Variants in PPARG observed in about 807,000 individuals in gnomAD.
The protein encoded by PPARG is peroxisome proliferator activated receptor gamma.
In PPARG, 17 loss-of-function variants were observed where a neutral mutation model predicts 39.2. That is an observed-to-expected ratio of 0.43 (90% CI 0.30 to 0.65). PPARG has a LOEUF of 0.65. Ranked by LOEUF, PPARG falls within the 30% of genes least tolerant of loss-of-function variation. The pLI is 0.13. For missense variants in PPARG, 406 were observed against 585.9 expected (o/e 0.69, Z 3.17); for synonymous variants, 223 against 215.7 (o/e 1.03, Z -0.30).
chr3:12,367,806 T>G (rs539240841), intron 2 of PPARG, among the ~76,000 whole-genome samples: 1 of 151,820 alleles, frequency 6.6e-6, no homozygotes, highest in Admixed American at 6.6e-5. Context: ...CACAGGGAGG[T>G]CGAGGCTTCA....
chr3:12,432,462 A>G (rs1053406967), intron 7 of PPARG, among the ~76,000 whole-genome samples: 22 of 152,366 alleles, frequency 1.4e-4, no homozygotes, highest in Admixed American at 9.1e-4. Flanking sequence ...GACTAAAACA[A>G]ATTAAAATTG....
Position 12,392,891 on chromosome 3 carries a change from A to G in PPARG, c.529+139A>G. On this transcript the variant is annotated intron_variant, in intron 5 of 7. Transcript: ENST00000651735. ...TTAGAATATTGCATGGCGATAAAAC[A>G]TTTCTCTTTTAGGTCAGTGTTTTTA... 5.3e-6 allele frequency: 6 copies of G among 1,125,610 alleles called. 1 individual carries two copies. In the South Asian group the frequency reaches 5.4e-5, roughly 10 times the overall value. 69.7% of individuals were successfully genotyped at this position (1,125,610 alleles called of 1,614,324 possible).
chr3:12,381,344 A>G lies in PPARG; in HGVS notation c.243A>G (p.Ala81=), dbSNP rs531436395. 6.2e-6 allele frequency: 10 copies of G among 1,613,276 alleles called. No homozygotes were observed. In the Admixed American group the frequency reaches 8.3e-5, roughly 13 times the overall value. The change falls in exon 4 of 8, where the codon GCA becomes GCG. Residue 81 remains alanine, a synonymous_variant. Transcript: ENST00000651735. ...EYQSAIKVEP[A]SPPYYSEKTQ... is the part of the protein sequence containing the mutation. ...CAGGTGCAATCAAAGTGGAGCCTGC[A>G]TCTCCACCTTATTATTCTGAGAAGA... is the stretch of plus-strand genomic sequence containing the variant.
intron 2 of PPARG, among the ~76,000 whole-genome samples, chr3:12,343,804 A>G (rs1336057335): frequency 6.7e-6 from 1 of 149,720 alleles, no homozygotes; most frequent in Non-Finnish European, 1.5e-5. Flanking sequence ...CATCACCCTC[A>G]TTCTTTCTGA....
At chr3:12,379,089 C>G (rs189682026) in intron 2 of PPARG, among the ~76,000 whole-genome samples, 2 of 151,980 alleles carry the variant, frequency 1.3e-5, no homozygotes, top group Non-Finnish European at 2.9e-5. Flanking sequence ...TTACTGCTAC[C>G]TCTGCCTCCC....
intron 2 of PPARG, among the ~76,000 whole-genome samples, chr3:12,347,869 A>T (rs997307960): frequency 3.3e-5 from 5 of 152,188 alleles, no homozygotes; most frequent in Non-Finnish European, 5.9e-5. Flanking sequence ...GGTTCTAGGG[A>T]TGCAATGAGA....
intron 5 of PPARG, among the ~76,000 whole-genome samples, chr3:12,397,511 C>T (rs4135338): frequency 1.0e-3 from 152 of 151,338 alleles, no homozygotes; most frequent in Non-Finnish European, 1.9e-3. Context: ...CCCGGATTCA[C>T]ACCATTCTCC....
rs140504278 is a variant in PPARG, at chr3:12,414,504, A to G, written c.730-2200A>G. On this transcript the variant is annotated intron_variant, in intron 6 of 7. Transcript: ENST00000651735. ...GAAAAAGAAAGTAAATATTTCATTA[A>G]TATAAATTATAATACACTGTAAAAT... 1.7e-3 allele frequency among the ~76,000 whole-genome samples: 258 copies of G among 152,314 alleles called. 1 individual carries two copies. The highest frequency in any genetic ancestry group is 1.7e-3 in the Non-Finnish European group (114 of 68,024).
intron 2 of PPARG, among the ~76,000 whole-genome samples, chr3:12,360,737 T>C (rs150850192): frequency 1.3e-5 from 2 of 152,202 alleles, no homozygotes; most frequent in African/African-American, 4.8e-5. Context: ...CATTTATTCG[T>C]GAGATTAATC....
At chr3:12,430,176 A>G (rs1382409128) in intron 7 of PPARG, among the ~76,000 whole-genome samples, 1 of 149,904 alleles carries the variant, frequency 6.7e-6, no homozygotes, top group African/African-American at 2.5e-5. Flanking sequence ...TATTAGACAC[A>G]GGAAAACATC....
intron 2 of PPARG, among the ~76,000 whole-genome samples, chr3:12,340,590 T>C (rs762198807): frequency 6.6e-6 from 1 of 152,170 alleles, no homozygotes; most frequent in Non-Finnish European, 1.5e-5. Context: ...AAATGTAACA[T>C]CTTACTTCCT....
At chr3:12,348,617 G>C (rs1235702720) in intron 2 of PPARG, among the ~76,000 whole-genome samples, 1 of 152,150 alleles carries the variant, frequency 6.6e-6, no homozygotes, top group African/African-American at 2.4e-5. Context: ...TAGGAGAGAT[G>C]GCCCTCTTCT....
intron 2 of PPARG, among the ~76,000 whole-genome samples, chr3:12,352,442 A>G (rs2048517737): frequency 6.6e-6 from 1 of 152,184 alleles, no homozygotes; most frequent in Admixed American, 6.5e-5. Context: ...ATTGCAAAAT[A>G]TAAGTTCTCC....
At chr3:12,364,661 G>A (rs1273018878) in intron 2 of PPARG, among the ~76,000 whole-genome samples, 1 of 152,194 alleles carries the variant, frequency 6.6e-6, no homozygotes, top group Non-Finnish European at 1.5e-5. Context: ...CCATTCATCA[G>A]CAACGAATGA....
At chr3:12,395,562 ATAG>A (rs1409840858) in intron 5 of PPARG, among the ~76,000 whole-genome samples, 8 of 152,236 alleles carry the variant, frequency 5.3e-5, no homozygotes, top group African/African-American at 1.9e-4. Context: ...GTAGAAGAAC[ATAG>A]TTTCAGAATT....
intron 4 of PPARG, among the ~76,000 whole-genome samples, chr3:12,391,958 A>C (rs888343564): frequency 6.6e-6 from 1 of 152,170 alleles, no homozygotes; most frequent in Admixed American, 6.5e-5. Context: ...GTTGGCCTCA[A>C]ATTGACATAT....
intron 2 of PPARG, among the ~76,000 whole-genome samples, chr3:12,361,668 T>C (rs917580342): frequency 6.6e-5 from 10 of 152,242 alleles, no homozygotes; most frequent in Admixed American, 5.9e-4. Context: ...TGGGATTTAT[T>C]CTGGACTTAC....
At chr3:12,318,896 C>T (rs2047463142) in intron 2 of PPARG, among the ~76,000 whole-genome samples, 1 of 151,860 alleles carries the variant, frequency 6.6e-6, no homozygotes, top group Admixed American at 6.6e-5. Context: ...TCTTGTTCTT[C>T]AGTCCAGATC....
At chr3:12,391,508 AAAG>A (rs773467771) in intron 4 of PPARG, among the ~76,000 whole-genome samples, 3 of 152,212 alleles carry the variant, frequency 2.0e-5, no homozygotes, top group Non-Finnish European at 4.4e-5. Flanking sequence ...TTGAGGAAAG[AAAG>A]AAGTCAAGAG....
Sources: gnomAD v4.1 joint callset for allele counts (sites outside exome capture counted in the v4.1 genomes callset) on GRCh38, gnomAD v4.1.1 for gene constraint, MANE v1.5 for transcripts, NCBI Gene and HGNC (gene_info 2026-07-23, HGNC 2026-07-21) for gene names.